RASGRF2: variants seen among roughly 807,000 people sequenced by gnomAD.
RASGRF2 encodes the protein Ras protein specific guanine nucleotide releasing factor 2.
A neutral mutation model predicts 151.0 loss-of-function variants in RASGRF2; 76 were observed. The observed-to-expected ratio is 0.50, with a 90% CI of 0.42 to 0.61. The LOEUF is 0.61. Among genes scored for constraint, RASGRF2 ranks in the 20% least tolerant of loss-of-function variants. The pLI is 0.00. For synonymous variants in RASGRF2, 504 were observed against 566.5 expected (o/e 0.89, Z 1.57); for missense variants, 1,148 against 1,564.6 (o/e 0.73, Z 4.49).
At chr5:81,208,733 T>A (rs1755568181) in intron 22 of RASGRF2, among the ~76,000 whole-genome samples, 1 of 151,966 alleles carries the variant, frequency 6.6e-6, no homozygotes, top group Non-Finnish European at 1.5e-5. Context: ...TTTGTATTTT[T>A]AGTAAAGGGG....
At chr5:81,048,416 C>A (rs1262938536) in intron 2 of RASGRF2, among the ~76,000 whole-genome samples, 2 of 152,126 alleles carry the variant, frequency 1.3e-5, no homozygotes, top group Admixed American at 6.5e-5. Flanking sequence ...TACTACTAAA[C>A]TACTAAACTG....
chr5:81,048,280 GTATTAT>G (rs965153838), intron 2 of RASGRF2, among the ~76,000 whole-genome samples: 5 of 151,974 alleles, frequency 3.3e-5, no homozygotes, highest in African/African-American at 4.8e-5. Context: ...TTCATTTAAG[GTATTAT>G]TATTATTATT....
chr5:81,034,693 G>A (rs1341432417), intron 1 of RASGRF2, among the ~76,000 whole-genome samples: 10 of 149,458 alleles, frequency 6.7e-5, no homozygotes, highest in South Asian at 4.3e-4. Flanking sequence ...GTAAACTATC[G>A]CAAGAACAAA....
chr5:81,228,332 C>G lies in RASGRF2; in HGVS notation c.*2562C>G, dbSNP rs1223537535. ...TGAGGGAGTGTCTGTTGATGACCTG[C>G]ACTATTCGTGTGCCAGCTGGGAGAG... On this transcript the variant is annotated 3_prime_UTR_variant, in exon 27 of 27. Transcript: ENST00000265080. 6.6e-6 allele frequency: 1 copy of G among 152,200 alleles called. No homozygotes were observed. The highest frequency in any genetic ancestry group is 2.4e-5 in the African/African-American group (1 of 41,456). 9.4% of individuals were successfully genotyped at this position (152,200 alleles called of 1,614,324 possible).
chr5:80,963,880 A>C (rs1747641294), intron 1 of RASGRF2, among the ~76,000 whole-genome samples: 1 of 152,168 alleles, frequency 6.6e-6, no homozygotes, highest in African/African-American at 2.4e-5. Context: ...CATATCCTTC[A>C]ATGATTTTTA....
chr5:81,047,654 A>G (rs1485308331), intron 2 of RASGRF2, among the ~76,000 whole-genome samples: 1 of 152,234 alleles, frequency 6.6e-6, no homozygotes, highest in African/African-American at 2.4e-5. Flanking sequence ...TCACAGTCAG[A>G]TGGTGTTTGG....
At position 81,189,279 on chromosome 5, in the gene RASGRF2, C is replaced by A. The variant is rs573537897; in HGVS notation, c.2793+8998C>A. ...ACCTTGACAAGTGGGTGAGATGCTGCCCACTGCTCAGGCACCACAGAGTGC... is the reference window on the plus strand; with the variant it reads ...ACCTTGACAAGTGGGTGAGATGCTGACCACTGCTCAGGCACCACAGAGTGC... On this transcript the variant is annotated intron_variant, in intron 18 of 26. Transcript: ENST00000265080. Among the ~76,000 whole-genome samples the A allele has an allele frequency of 3.3e-5, 5 of 152,304 alleles. No homozygotes were observed. In the South Asian group the frequency reaches 8.3e-4, roughly 25 times the overall value.
chr5:81,104,887 C>T (rs1752802135), intron 12 of RASGRF2, among the ~76,000 whole-genome samples: 1 of 152,146 alleles, frequency 6.6e-6, no homozygotes, highest in Non-Finnish European at 1.5e-5. Flanking sequence ...CTGGAGTGGG[C>T]TCATCTCTCA....
chr5:81,225,353 T>C (rs1033314947), intron 26 of RASGRF2, among the ~76,000 whole-genome samples: 2 of 152,142 alleles, frequency 1.3e-5, no homozygotes, highest in Non-Finnish European at 2.9e-5. Context: ...ATGTGCACCA[T>C]GGTGCCAATT....
intron 17 of RASGRF2, among the ~76,000 whole-genome samples, chr5:81,133,206 G>A (rs572268387): frequency 6.6e-6 from 1 of 152,320 alleles, no homozygotes; most frequent in South Asian, 2.1e-4. Context: ...AGTTGGATAA[G>A]TTGGTAGTGG....
intron 17 of RASGRF2, among the ~76,000 whole-genome samples, chr5:81,137,720 C>T (rs1432275517): frequency 3.3e-5 from 5 of 152,234 alleles, no homozygotes; most frequent in Non-Finnish European, 7.3e-5. Context: ...GAGAGAGTCT[C>T]AGAAGAAACA....
chr5:81,151,021 G>T (rs904481027), intron 17 of RASGRF2, among the ~76,000 whole-genome samples: 1 of 152,178 alleles, frequency 6.6e-6, no homozygotes, highest in Admixed American at 6.5e-5. Flanking sequence ...GTTTTGATGG[G>T]CTATATATAT....
At chr5:81,181,142 G>A (rs1754908344) in intron 18 of RASGRF2, among the ~76,000 whole-genome samples, 1 of 152,142 alleles carries the variant, frequency 6.6e-6, no homozygotes, top group South Asian at 2.1e-4. Context: ...GTTATAAATG[G>A]CACTCCCATG....
intron 2 of RASGRF2, among the ~76,000 whole-genome samples, chr5:81,067,249 AT>A (rs1352300464): frequency 6.6e-6 from 1 of 152,182 alleles, no homozygotes; most frequent in African/African-American, 2.4e-5. Context: ...CTGTCATACC[AT>A]TGGGGAAAGA....
At chr5:81,104,855 GA>G (rs1752801747) in intron 12 of RASGRF2, among the ~76,000 whole-genome samples, 1 of 152,160 alleles carries the variant, frequency 6.6e-6, no homozygotes, top group Non-Finnish European at 1.5e-5. Flanking sequence ...GGGAACAGGA[GA>G]AAAAGTTCTA....
At chr5:81,024,520 G>A (rs909351268) in intron 1 of RASGRF2, among the ~76,000 whole-genome samples, 11 of 151,930 alleles carry the variant, frequency 7.2e-5, no homozygotes, top group Admixed American at 5.9e-4. Flanking sequence ...TCAGCCTCCC[G>A]ATGTGCTGGG....
intron 2 of RASGRF2, among the ~76,000 whole-genome samples, chr5:81,062,543 A>G (rs1751475715): frequency 6.6e-6 from 1 of 152,090 alleles, no homozygotes; most frequent in South Asian, 2.1e-4. Context: ...ACTTTTAGAC[A>G]TATTCTGTTC....
At chr5:81,120,590 C>CA (rs1358284816) in intron 15 of RASGRF2, among the ~76,000 whole-genome samples, 1 of 151,806 alleles carries the variant, frequency 6.6e-6, no homozygotes, top group Non-Finnish European at 1.5e-5. Flanking sequence ...CTCAAAAATA[C>CA]AAAAAACAAA....
chr5:81,087,293 A>G (rs1386647777), intron 9 of RASGRF2: 2 of 702,958 alleles, frequency 2.8e-6, no homozygotes, highest in Non-Finnish European at 5.2e-6. Flanking sequence ...GACGATACCC[A>G]GGCCAAGGCC....
Sources: allele counts gnomAD v4.1 joint callset (sites outside exome capture counted in the v4.1 genomes callset), GRCh38; gene constraint gnomAD v4.1.1; transcripts MANE v1.5; gene names NCBI Gene and HGNC (gene_info 2026-07-23, HGNC 2026-07-21).